The following SLC35D4 variants were observed in gnomAD, a reference collection of about 807,000 sequenced individuals.
SLC35D4 encodes the protein UDP-N-acetylglucosamine transporter SLC35D4.
chr18:23,393,207 G>A, the SLC35D4 span, among the ~76,000 whole-genome samples: 1 of 151,994 alleles, frequency 6.6e-6, no homozygotes, highest in African/African-American at 2.4e-5. Flanking sequence ...GAGCCACCGA[G>A]CCTGGCCTAG....
chr18:23,397,554 G>A, the SLC35D4 span, among the ~76,000 whole-genome samples: 6 of 152,180 alleles, frequency 3.9e-5, no homozygotes, highest in Non-Finnish European at 7.3e-5. Flanking sequence ...AAAGCCATTC[G>A]TGACATAGGT....
At chr18:23,312,061 A>G in the SLC35D4 span, among the ~76,000 whole-genome samples, 1 of 152,084 alleles carries the variant, frequency 6.6e-6, no homozygotes, top group Non-Finnish European at 1.5e-5. Flanking sequence ...TGTCCTCACC[A>G]TTGTCTTTAT....
the SLC35D4 span, among the ~76,000 whole-genome samples, chr18:23,250,054 A>G: frequency 1.3e-5 from 2 of 152,208 alleles, no homozygotes; most frequent in Non-Finnish European, 2.9e-5. Flanking sequence ...GCTCTCTTTC[A>G]AGGGAAGTGT....
At chr18:23,403,687 G>A in the SLC35D4 span, among the ~76,000 whole-genome samples, 1 of 152,206 alleles carries the variant, frequency 6.6e-6, no homozygotes, top group Non-Finnish European at 1.5e-5. Flanking sequence ...GAAAACGCTT[G>A]ACTGGAGAAA....
the SLC35D4 span, among the ~76,000 whole-genome samples, chr18:23,405,455 GC>G: frequency 6.6e-6 from 1 of 152,210 alleles, no homozygotes; most frequent in African/African-American, 2.4e-5. Flanking sequence ...CTCCCAAAGT[GC>G]TGGGATTACA....
the SLC35D4 span, among the ~76,000 whole-genome samples, chr18:23,278,926 T>C: frequency 0.064 from 9,634 of 151,628 alleles, 789 homozygotes; most frequent in African/African-American, 0.19. Context: ...GTTGGGAGGA[T>C]TGCTTGAGCC....
the SLC35D4 span, among the ~76,000 whole-genome samples, chr18:23,410,419 A>C: frequency 2.0e-5 from 3 of 151,548 alleles, no homozygotes; most frequent in Non-Finnish European, 2.9e-5. Context: ...CAGAGCTTGC[A>C]GTGAGCCGAG....
At chr18:23,310,173 A>C in the SLC35D4 span, 3 of 980,360 alleles carry the variant, frequency 3.1e-6, no homozygotes, top group Non-Finnish European at 3.6e-6. Flanking sequence ...ATAAAAACTT[A>C]TCTGTCACCC....
At chr18:23,394,223 T>A in the SLC35D4 span, among the ~76,000 whole-genome samples, 86 of 152,336 alleles carry the variant, frequency 5.6e-4, no homozygotes, top group African/African-American at 2.1e-3. Flanking sequence ...ACACTTGTTA[T>A]TCTCTGGTTT....
At chr18:23,418,383 A>T in the SLC35D4 span, among the ~76,000 whole-genome samples, 86 of 146,424 alleles carry the variant, frequency 5.9e-4, no homozygotes, top group Middle Eastern at 3.6e-3. Context: ...TATTATTATT[A>T]TTTTTTGAGA....
chr18:23,409,164 T>G, the SLC35D4 span, among the ~76,000 whole-genome samples: 1 of 152,122 alleles, frequency 6.6e-6, no homozygotes, highest in Non-Finnish European at 1.5e-5. Context: ...AAAAAAGTAG[T>G]ATCTATCTAT....
At chr18:23,373,068 C>A in the SLC35D4 span, among the ~76,000 whole-genome samples, 5 of 152,238 alleles carry the variant, frequency 3.3e-5, no homozygotes, top group South Asian at 8.3e-4. Context: ...AATACCAGCA[C>A]CTTGGGAGGC....
chr18:23,418,300 T>C, the SLC35D4 span, among the ~76,000 whole-genome samples: 1 of 151,312 alleles, frequency 6.6e-6, no homozygotes, highest in Non-Finnish European at 1.5e-5. Context: ...ATAAAACTTC[T>C]TAATACTAGT....
the SLC35D4 span, among the ~76,000 whole-genome samples, chr18:23,415,647 T>TAA: frequency 6.6e-6 from 1 of 152,226 alleles, no homozygotes; most frequent in African/African-American, 2.4e-5. Context: ...ACAGGAAGCC[T>TAA]TTAGCAAAGG....
chr18:23,311,805 T>C, the SLC35D4 span, among the ~76,000 whole-genome samples: 1 of 152,242 alleles, frequency 6.6e-6, no homozygotes, highest in Non-Finnish European at 1.5e-5. Flanking sequence ...ATTACCTTCC[T>C]TTTTTGTAAT....
At chr18:23,293,793 C>T in the SLC35D4 span, among the ~76,000 whole-genome samples, 1 of 152,152 alleles carries the variant, frequency 6.6e-6, no homozygotes, top group Non-Finnish European at 1.5e-5. Flanking sequence ...ATTTATTTTT[C>T]TTTTATTGTT....
chr18:23,253,730 C>G, the SLC35D4 span: 699 of 1,613,682 alleles, frequency 4.3e-4, no homozygotes, highest in Non-Finnish European at 5.7e-4. Context: ...TTTCTCCAGT[C>G]TGAAACGAGA....
chr18:23,322,121 A>T, the SLC35D4 span, among the ~76,000 whole-genome samples: 1 of 152,246 alleles, frequency 6.6e-6, no homozygotes, highest in Admixed American at 6.5e-5. Flanking sequence ...ATTTTACACT[A>T]GTCAGTGAGA....
the SLC35D4 span, among the ~76,000 whole-genome samples, chr18:23,360,260 C>CATCT: frequency 2.0e-5 from 3 of 152,204 alleles, no homozygotes; most frequent in Admixed American, 2.0e-4. Flanking sequence ...GTGAAACATA[C>CATCT]ATCTACTCTA....
Sources: allele counts gnomAD v4.1 joint callset (sites outside exome capture counted in the v4.1 genomes callset), GRCh38; gene constraint gnomAD v4.1.1; transcripts MANE v1.5; gene names NCBI Gene and HGNC (gene_info 2026-07-23, HGNC 2026-07-21).